The following ANKFN1 variants were observed in gnomAD, a reference collection of about 807,000 sequenced individuals.
ANKFN1 encodes the protein ankyrin repeat and fibronectin type III domain containing 1.
A neutral mutation model predicts 108.7 loss-of-function variants in ANKFN1; 74 were observed. The observed-to-expected ratio is 0.68, with a 90% CI of 0.56 to 0.83. The LOEUF is 0.83. Ranked by LOEUF, ANKFN1 falls within the 40% of genes least tolerant of loss-of-function variation. ANKFN1 has a pLI of 0.00. For synonymous variants in ANKFN1, 547 were observed against 516.2 expected (o/e 1.06, Z -0.81); for missense variants, 1,505 against 1,382.3 (o/e 1.09, Z -1.41).
At chr17:56,111,421 T>G (rs1321199291) in intron 4 of ANKFN1, among the ~76,000 whole-genome samples, 2 of 151,696 alleles carry the variant, frequency 1.3e-5, no homozygotes, top group African/African-American at 4.8e-5. Context: ...AGTCTCTTTC[T>G]CCCTTTGAAA....
chr17:56,123,730 C>T (rs1906752389), intron 4 of ANKFN1, among the ~76,000 whole-genome samples: 2 of 151,866 alleles, frequency 1.3e-5, no homozygotes, highest in Non-Finnish European at 2.9e-5. Context: ...GATTAACAAA[C>T]TCAAGTTTGT....
At chr17:56,446,432 G>A (rs1004694706) in intron 10 of ANKFN1, among the ~76,000 whole-genome samples, 5 of 152,126 alleles carry the variant, frequency 3.3e-5, no homozygotes, top group Admixed American at 2.0e-4. Context: ...CCCAATTCTG[G>A]GGGTGCTAAA....
At chr17:56,340,235 TTC>T (rs2045925729) in intron 4 of ANKFN1, among the ~76,000 whole-genome samples, 1 of 152,148 alleles carries the variant, frequency 6.6e-6, no homozygotes, top group Non-Finnish European at 1.5e-5. Context: ...TGCAAAAAAT[TTC>T]TCTTTTTCTG....
At chr17:56,300,935 G>A (rs1400056606) in intron 3 of ANKFN1, among the ~76,000 whole-genome samples, 1 of 152,170 alleles carries the variant, frequency 6.6e-6, no homozygotes, top group African/African-American at 2.4e-5. Context: ...ATGCATACAA[G>A]TAGTCTAAGA....
intron 3 of ANKFN1, among the ~76,000 whole-genome samples, chr17:56,270,882 C>T (rs1016997050): frequency 1.5e-4 from 23 of 152,192 alleles, no homozygotes; most frequent in Admixed American, 3.9e-4. Context: ...TACTCCTCTT[C>T]CCTTATCACT....
chr17:56,247,488 A>G (rs980132626), intron 3 of ANKFN1, among the ~76,000 whole-genome samples: 15 of 152,228 alleles, frequency 9.9e-5, no homozygotes, highest in African/African-American at 3.6e-4. Context: ...TGATGCAAGT[A>G]GCTACATAGT....
intron 8 of ANKFN1, among the ~76,000 whole-genome samples, chr17:56,426,671 G>T (rs1474263022): frequency 6.6e-6 from 1 of 152,174 alleles, no homozygotes; most frequent in Non-Finnish European, 1.5e-5. Flanking sequence ...CCCTTGCTAG[G>T]ATATGCAATG....
chr17:56,233,940 G>C (rs544056879), intron 3 of ANKFN1, among the ~76,000 whole-genome samples: 8 of 152,206 alleles, frequency 5.3e-5, no homozygotes, highest in African/African-American at 1.9e-4. Flanking sequence ...CAACTTCTTT[G>C]CTTAACTGGA....
intron 4 of ANKFN1, among the ~76,000 whole-genome samples, chr17:56,046,779 C>A (rs1904685823): frequency 6.6e-6 from 1 of 152,294 alleles, no homozygotes. Flanking sequence ...TGGTTCTCAG[C>A]TGGAGTTGCC....
chr17:56,102,332 C>T (rs1905663683), intron 4 of ANKFN1, among the ~76,000 whole-genome samples: 1 of 152,108 alleles, frequency 6.6e-6, no homozygotes, highest in South Asian at 2.1e-4. Context: ...CTATACTAGA[C>T]TATACTAGTC....
chr17:56,088,177 A>C (rs902613797), intron 4 of ANKFN1, among the ~76,000 whole-genome samples: 6 of 151,254 alleles, frequency 4.0e-5, no homozygotes, highest in African/African-American at 9.7e-5. Context: ...TGTCTGGTAA[A>C]CTGATTAACA....
At chr17:56,369,515 A>C (rs2144755688) in intron 6 of ANKFN1, among the ~76,000 whole-genome samples, 1 of 152,278 alleles carries the variant, frequency 6.6e-6, no homozygotes. Context: ...TAACTATCAC[A>C]CCATTACTCA....
intron 4 of ANKFN1, among the ~76,000 whole-genome samples, chr17:56,137,885 T>G (rs1907686654): frequency 1.3e-5 from 2 of 152,212 alleles, no homozygotes; most frequent in African/African-American, 4.8e-5. Flanking sequence ...CCATTGAAAC[T>G]AGAATATCTC....
chr17:56,173,663 T>C (rs1910876197), intron 1 of ANKFN1, among the ~76,000 whole-genome samples: 1 of 152,136 alleles, frequency 6.6e-6, no homozygotes, highest in South Asian at 2.1e-4. Context: ...GTTCTCCCTA[T>C]GTTGCCCAGG....
intron 6 of ANKFN1, among the ~76,000 whole-genome samples, chr17:56,357,921 T>C (rs1215924062): frequency 6.6e-6 from 1 of 152,222 alleles, no homozygotes; most frequent in African/African-American, 2.4e-5. Context: ...TTCATCTTTA[T>C]CAATAAAGAA....
intron 5 of ANKFN1, among the ~76,000 whole-genome samples, chr17:56,351,660 A>T (rs900575751): frequency 3.9e-5 from 6 of 152,204 alleles, no homozygotes; most frequent in Non-Finnish European, 5.9e-5. Context: ...GGAGGAATGA[A>T]TATTCACCTG....
chr17:56,109,442 C>T (rs1359022186), intron 4 of ANKFN1, among the ~76,000 whole-genome samples: 1 of 152,168 alleles, frequency 6.6e-6, no homozygotes, highest in South Asian at 2.1e-4. Context: ...TACCGACCAG[C>T]TGCCAGTAGT....
intron 8 of ANKFN1, among the ~76,000 whole-genome samples, chr17:56,379,354 G>A (rs544205712): frequency 6.2e-4 from 94 of 151,002 alleles, no homozygotes; most frequent in African/African-American, 2.0e-3. Flanking sequence ...AGCTGAGATC[G>A]TGCCACTGCA....
At chr17:56,504,514 A>G (rs1183337117) in intron 20 of ANKFN1, among the ~76,000 whole-genome samples, 1 of 152,162 alleles carries the variant, frequency 6.6e-6, no homozygotes, top group African/African-American at 2.4e-5. Flanking sequence ...ATTATTATTC[A>G]CCTTTATTAT....
Sources: gnomAD v4.1 joint callset for allele counts (sites outside exome capture counted in the v4.1 genomes callset) on GRCh38, gnomAD v4.1.1 for gene constraint, MANE v1.5 for transcripts, NCBI Gene and HGNC (gene_info 2026-07-23, HGNC 2026-07-21) for gene names.